Variants in NFATC2 observed in about 807,000 individuals in gnomAD.
The protein encoded by NFATC2 is nuclear factor of activated T-cells, cytoplasmic 2.
NFATC2 carries 22 observed loss-of-function variants against 87.3 expected under a neutral mutation model. That is an observed-to-expected ratio of 0.25 (90% confidence interval 0.18 to 0.36). The LOEUF is 0.36. Ranked by LOEUF, NFATC2 falls within the 10% of genes least tolerant of loss-of-function variation. The pLI, the probability that NFATC2 is intolerant of heterozygous loss-of-function variation, is 1.00. For missense variants in NFATC2, 1,149 were observed against 1,259.1 expected (o/e 0.91, Z 1.32); for synonymous variants, 565 against 542.2 (o/e 1.04, Z -0.58).
At chr20:51,475,409 CT>C (rs1568664246) in intron 4 of NFATC2, 48 bp downstream of exon 4, 1 of 1,596,626 alleles carries the variant, frequency 6.3e-7, no homozygotes, top group Non-Finnish European at 8.6e-7. Context: ...CACCTGCCCC[CT>C]GCTCGCTTCT....
intron 2 of NFATC2, among the ~76,000 whole-genome samples, chr20:51,519,199 A>G (rs1407181800): frequency 6.6e-6 from 1 of 152,206 alleles, no homozygotes; most frequent in Admixed American, 6.5e-5. Context: ...ACTCCTTAAA[A>G]AACCACTTTA....
chr20:51,473,622 GA>G (rs1281255484), intron 5 of NFATC2, among the ~76,000 whole-genome samples: 2 of 152,026 alleles, frequency 1.3e-5, no homozygotes, highest in African/African-American at 4.8e-5. Flanking sequence ...AGAAGGAAAA[GA>G]AAAAAGGGCA....
chr20:51,433,758 C>A (rs1286716861), intron 8 of NFATC2, among the ~76,000 whole-genome samples: 2 of 88,926 alleles, frequency 2.2e-5, no homozygotes, highest in East Asian at 5.9e-4. Flanking sequence ...TTCATGCATG[C>A]ATGTGTGTGT....
chr20:51,503,008 A>G (rs767251222), intron 3 of NFATC2, among the ~76,000 whole-genome samples: 10 of 152,166 alleles, frequency 6.6e-5, no homozygotes, highest in South Asian at 4.1e-4. Context: ...GGAAGGTAAA[A>G]TGTGCTGAGC....
At chr20:51,440,639 TG>T (rs1343523560) in intron 6 of NFATC2, among the ~76,000 whole-genome samples, 13 of 152,204 alleles carry the variant, frequency 8.5e-5, no homozygotes, top group Non-Finnish European at 1.5e-5. Flanking sequence ...TTCTTTCTTT[TG>T]CACCCTTTTG....
rs185178053 is a variant in NFATC2 at position 51,414,003 on chromosome 20, G to A, written c.2723-15273C>T. ...CTGCTATTATCATTATTGTTCTTTT[G>A]TGACAAATAGTTTTAAATCATTTTA... On this transcript the variant is annotated intron_variant, in intron 9 of 10. Transcript: ENST00000371564. 1.4e-4 allele frequency among the ~76,000 whole-genome samples: 21 copies of A among 152,308 alleles called. No individual in the cohort carries two copies. The East Asian group carries it at 3.7e-3, about 27-fold the overall frequency.
chr20:51,557,114 T>TA (rs921025523), intron 1 of NFATC2, among the ~76,000 whole-genome samples: 111 of 152,252 alleles, frequency 7.3e-4, no homozygotes, highest in African/African-American at 2.5e-3. Flanking sequence ...GGCTGCCCCA[T>TA]AAAATGCCTT....
Position 51,477,575 on chromosome 20 carries a change from ATAT to A in NFATC2, c.1333-1918_1333-1916del, listed in dbSNP as rs1568667389. Reference sequence around the variant, plus strand: ...TATATATATATATATATATATATATATATATAAAATAACAAGAGACAAAAGGAC... The same window carrying A: ...TATATATATATATATATATATATATAATAAAATAACAAGAGACAAAAGGAC... On this transcript the variant is annotated intron_variant, in intron 3 of 10. Coordinates refer to ENST00000371564, the MANE Select transcript of NFATC2 (RefSeq NM_012340.5). Among the ~76,000 whole-genome samples, 393 of 88,240 alleles carry A rather than the reference ATAT, an allele frequency of 4.5e-3. 3 individuals are homozygous for A. Among genetic ancestry groups the A allele is most frequent in the Non-Finnish European group, 6.9e-3 (271 of 39,020 alleles). The allele number at this position is 88,240 out of a possible 152,430, so 57.9% of individuals were successfully genotyped here. A position where few individuals can be genotyped will look rare whatever the true frequency, so the allele number is the denominator to read the frequency against.
chr20:51,421,867 A>G (rs1980977286), intron 9 of NFATC2, among the ~76,000 whole-genome samples: 1 of 141,308 alleles, frequency 7.1e-6, no homozygotes, highest in Non-Finnish European at 1.5e-5. Flanking sequence ...GCAGACCACA[A>G]CTCAATCCAG....
At chr20:51,484,513 GCACCA>G (rs1309305458) in intron 3 of NFATC2, among the ~76,000 whole-genome samples, 1 of 152,218 alleles carries the variant, frequency 6.6e-6, no homozygotes, top group Non-Finnish European at 1.5e-5. Flanking sequence ...AATGCCTAGA[GCACCA>G]CACAGGTGTC....
intron 1 of NFATC2, among the ~76,000 whole-genome samples, chr20:51,529,317 A>G (rs911403322): frequency 4.6e-5 from 7 of 151,722 alleles, no homozygotes; most frequent in Non-Finnish European, 8.8e-5. Context: ...GAGCAAAAGT[A>G]TTTAAAGCAT....
intron 3 of NFATC2, among the ~76,000 whole-genome samples, chr20:51,500,633 C>T (rs1415960890): frequency 8.4e-5 from 10 of 118,652 alleles, no homozygotes; most frequent in African/African-American, 2.3e-4. Flanking sequence ...CCCACCCCTC[C>T]ACCCTCACCC....
chr20:51,478,642 C>T (rs773386661), intron 3 of NFATC2, among the ~76,000 whole-genome samples: 8 of 152,154 alleles, frequency 5.3e-5, no homozygotes, highest in Non-Finnish European at 8.8e-5. Flanking sequence ...CAGAACAGCT[C>T]GATGATCTTT....
Position 51,469,495 on chromosome 20 carries a change from G to A in NFATC2, c.1708+4485C>T, listed in dbSNP as rs1988001025. 2.6e-5 allele frequency among the ~76,000 whole-genome samples: 4 copies of A among 152,086 alleles called. No individual in the cohort carries two copies. In the South Asian group the frequency reaches 8.3e-4, roughly 32 times the overall value. On this transcript the variant is annotated intron_variant, in intron 5 of 10. Transcript: ENST00000371564. The stretch of plus-strand genomic sequence containing the variant: ...CAACAAATGCAGTTGAGGAAGTGTA[G>A]TGGGTTACACATAGTACCCCCTACC...
chr20:51,404,227 G>A (rs1988336067), intron 9 of NFATC2, among the ~76,000 whole-genome samples: 1 of 152,110 alleles, frequency 6.6e-6, no homozygotes, highest in South Asian at 2.1e-4. Context: ...CACACCCTGG[G>A]GTCAGAGTCC....
At chr20:51,522,502 A>G (rs1194153220) in intron 2 of NFATC2, among the ~76,000 whole-genome samples, 1 of 151,930 alleles carries the variant, frequency 6.6e-6, no homozygotes, top group Non-Finnish European at 1.5e-5. Flanking sequence ...TCCAAAGCCT[A>G]CGTGCTATTC....
At chr20:51,456,735 C>G (rs890537397) in intron 5 of NFATC2, among the ~76,000 whole-genome samples, 1 of 152,246 alleles carries the variant, frequency 6.6e-6, no homozygotes, top group Non-Finnish European at 1.5e-5. Context: ...ACGGACCTCC[C>G]CATCCGCGAG....
In NFATC2 at chr20:51,388,986, C is replaced by T. The variant is rs2146188209; in HGVS notation, c.*2510G>A. 6.6e-6 allele frequency: 1 copy of T among 152,298 alleles called. No homozygotes were observed. Among genetic ancestry groups the T allele is most frequent in the South Asian group, 2.1e-4 (1 of 4,828 alleles). The allele number at this position is 152,298 out of a possible 1,614,324, so 9.4% of individuals were successfully genotyped here. A position where few individuals can be genotyped will look rare whatever the true frequency, so the allele number is the denominator to read the frequency against. On this transcript the variant is annotated 3_prime_UTR_variant, in exon 11 of 11. Coordinates refer to ENST00000371564, the MANE Select transcript of NFATC2 (RefSeq NM_012340.5). Reference sequence around the variant, plus strand: ...TAGCATTTGTAACTGACAAAACTTCCTTGATAGCTGTCAGTTCCTAATACA... The same window carrying T: ...TAGCATTTGTAACTGACAAAACTTCTTTGATAGCTGTCAGTTCCTAATACA...
chr20:51,539,423 A>G (rs2076770394), intron 1 of NFATC2, among the ~76,000 whole-genome samples: 1 of 152,200 alleles, frequency 6.6e-6, no homozygotes, highest in Admixed American at 6.5e-5. Flanking sequence ...CCAGAGCCAG[A>G]TGCACATCTG....
Sources: gnomAD v4.1 joint callset for allele counts (sites outside exome capture counted in the v4.1 genomes callset) on GRCh38, gnomAD v4.1.1 for gene constraint, MANE v1.5 for transcripts, NCBI Gene and HGNC (gene_info 2026-07-23, HGNC 2026-07-21) for gene names.